The following LY96 variants were observed in gnomAD, a reference collection of about 807,000 sequenced individuals.
LY96 encodes the protein myeloid differentiation protein-2.
LY96 carries 18 observed loss-of-function variants against 18.9 expected under a neutral mutation model. The ratio of observed to expected loss-of-function variants is 0.95; its 90% confidence interval spans 0.66 to 1.41. The LOEUF (loss-of-function observed/expected upper bound fraction) is 1.41. LY96 is among the 40% of genes most tolerant of loss of function. The probability of loss-of-function intolerance (pLI) is 0.00; values close to 1 mark genes in which losing one functional copy is unlikely to be tolerated. For synonymous variants in LY96, 66 were observed against 62.6 expected, an observed-to-expected ratio of 1.06 and a Z score of -0.26; for missense variants, 175 against 182.4, an observed-to-expected ratio of 0.96 and a Z score of 0.23.
chr8:74,056,583 G>T, the LY96 span: 1 of 158,844 alleles, frequency 6.3e-6, no homozygotes, highest in South Asian at 1.6e-4. Flanking sequence ...AAGCTACTGG[G>T]GATGAGACAG....
At chr8:74,028,569 T>C (rs1816916177) in intron 4 of LY96, among the ~76,000 whole-genome samples, 1 of 152,218 alleles carries the variant, frequency 6.6e-6, no homozygotes, top group Non-Finnish European at 1.5e-5. Flanking sequence ...GTAAAAATAA[T>C]TGCTGCCTCA....
At chr8:74,029,229 C>T, downstream of LY96, 1 of 561,072 alleles carries the variant, frequency 1.8e-6, no homozygotes, top group East Asian at 3.0e-5. Flanking sequence ...TCATGCAGAG[C>T]CACCTGGGGA....
At chr8:74,014,816 C>T (rs1307375475) in intron 3 of LY96, among the ~76,000 whole-genome samples, 2 of 146,412 alleles carry the variant, frequency 1.4e-5, no homozygotes, top group Non-Finnish European at 3.0e-5. Context: ...CCAGTTTACA[C>T]ACACACACAC....
At chr8:74,028,549 C>G (rs570749673) in intron 4 of LY96, among the ~76,000 whole-genome samples, 1 of 152,066 alleles carries the variant, frequency 6.6e-6, no homozygotes, top group East Asian at 1.9e-4. Context: ...GTCTGGTCAT[C>G]CATGCCTTTG....
chr8:73,997,312 C>T lies in LY96; in HGVS notation c.112+5758C>T, dbSNP rs115869250. On this transcript the variant is annotated intron_variant, in intron 1 of 4. Transcript: ENST00000284818. ...ATGATCTCCAGATTCTATTCTATAT[C>T]CAAGTGCTTCTCACTGCTCTCTAAC... 9.7e-3 allele frequency among the ~76,000 whole-genome samples: 1,473 copies of T among 152,296 alleles called. 12 individuals are homozygous for T. The highest frequency in any genetic ancestry group is 0.029 in the African/African-American group (1,185 of 41,556).
the LY96 span, among the ~76,000 whole-genome samples, chr8:74,054,177 T>TGA: frequency 1.3e-5 from 2 of 152,028 alleles, no homozygotes; most frequent in African/African-American, 4.8e-5. Context: ...CAGGTGTGTG[T>TGA]CACCATGCCC....
At chr8:74,015,645 C>A (rs1388719616) in intron 3 of LY96, among the ~76,000 whole-genome samples, 8 of 152,168 alleles carry the variant, frequency 5.3e-5, no homozygotes, top group Admixed American at 5.2e-4. Context: ...GTTAGGGCTT[C>A]AACATATCTT....
At chr8:74,005,968 T>A (rs35961610) in intron 2 of LY96, among the ~76,000 whole-genome samples, 5,032 of 152,306 alleles carry the variant, frequency 0.033, 110 homozygotes, top group Non-Finnish European at 0.051. Flanking sequence ...CCGATTTTAG[T>A]TCTCTGGCTT....
chr8:74,037,461 T>C, the LY96 span, among the ~76,000 whole-genome samples: 1 of 151,932 alleles, frequency 6.6e-6, no homozygotes, highest in Non-Finnish European at 1.5e-5. Flanking sequence ...AGACCCTGTC[T>C]GTACAAAAAA....
At chr8:74,041,235 CT>C in the LY96 span, among the ~76,000 whole-genome samples, 1 of 152,060 alleles carries the variant, frequency 6.6e-6, no homozygotes, top group Non-Finnish European at 1.5e-5. Flanking sequence ...CAAATTAATA[CT>C]TTTATAATTT....
intron 3 of LY96, among the ~76,000 whole-genome samples, chr8:74,020,723 T>A (rs1050002415): frequency 6.6e-6 from 1 of 152,072 alleles, no homozygotes; most frequent in Non-Finnish European, 1.5e-5. Context: ...AAAACAGAGA[T>A]ATAGACCAAT....
intron 2 of LY96, among the ~76,000 whole-genome samples, chr8:74,007,097 G>T (rs1816428537): frequency 6.6e-6 from 1 of 152,226 alleles, no homozygotes; most frequent in Admixed American, 6.5e-5. Context: ...CTCTTGGGCT[G>T]GGCCAAATAG....
At chr8:74,097,955 A>T in the LY96 span, among the ~76,000 whole-genome samples, 1 of 152,174 alleles carries the variant, frequency 6.6e-6, no homozygotes, top group Non-Finnish European at 1.5e-5. Context: ...CAGTGCCTGG[A>T]ACACAACAAG....
intron 3 of LY96, among the ~76,000 whole-genome samples, chr8:74,025,397 G>A (rs1209500297): frequency 6.6e-6 from 1 of 152,172 alleles, no homozygotes; most frequent in Non-Finnish European, 1.5e-5. Context: ...GTTTATGTCT[G>A]TAATCCCAGC....
intron 3 of LY96, among the ~76,000 whole-genome samples, chr8:74,022,422 CA>C (rs146321254): frequency 7.0e-6 from 1 of 143,166 alleles, no homozygotes; most frequent in Non-Finnish European, 1.5e-5. Context: ...AAAGAAAAAC[CA>C]AAAAAAAAGA....
chr8:74,076,536 GCTAGTCTTGAACC>G, the LY96 span, among the ~76,000 whole-genome samples: 1 of 152,016 alleles, frequency 6.6e-6, no homozygotes, highest in Middle Eastern at 3.4e-3. Context: ...CGTTGGCCAG[GCTAGTCTTGAACC>G]CTTGATCTCA....
chr8:74,025,642 G>A (rs377038885), intron 3 of LY96, among the ~76,000 whole-genome samples: 6 of 115,742 alleles, frequency 5.2e-5, no homozygotes, highest in African/African-American at 1.8e-4. Context: ...GCGACAGAGC[G>A]AAACTCCGTC....
At chr8:74,054,254 T>C in the LY96 span, among the ~76,000 whole-genome samples, 2 of 152,150 alleles carry the variant, frequency 1.3e-5, no homozygotes, top group Non-Finnish European at 2.9e-5. Flanking sequence ...CTCAAACTCC[T>C]GGGCTCAAGC....
At chr8:74,053,487 T>A in the LY96 span, among the ~76,000 whole-genome samples, 1 of 152,216 alleles carries the variant, frequency 6.6e-6, no homozygotes, top group Non-Finnish European at 1.5e-5. Context: ...ATATACTGAC[T>A]TCTGCCTGCA....
Sources: allele counts gnomAD v4.1 joint callset (sites outside exome capture counted in the v4.1 genomes callset), GRCh38; gene constraint gnomAD v4.1.1; transcripts MANE v1.5; gene names NCBI Gene and HGNC (gene_info 2026-07-23, HGNC 2026-07-21).